The following TVP23C variants were observed in gnomAD, a reference collection of about 807,000 sequenced individuals.
TVP23C encodes trans-golgi network vesicle protein 23 homolog C.
A neutral mutation model predicts 28.7 loss-of-function variants in TVP23C; 19 were observed. The ratio of observed to expected loss-of-function variants is 0.66; its 90% CI spans 0.46 to 0.97. The LOEUF (loss-of-function observed/expected upper bound fraction) is 0.97. Among genes scored for constraint, TVP23C ranks in the 50% least tolerant of loss-of-function variants. TVP23C has a pLI of 0.00. For missense variants in TVP23C, 186 were observed against 241.3 expected (o/e 0.77, Z 1.52); for synonymous variants, 68 against 81.7 (o/e 0.83, Z 0.90).
intron 5 of TVP23C, among the ~76,000 whole-genome samples, chr17:15,515,997 C>T (rs1982210185): frequency 6.6e-6 from 1 of 152,328 alleles, no homozygotes. Context: ...CACCCACTCT[C>T]TCTGTCCTTC....
intron 3 of TVP23C, among the ~76,000 whole-genome samples, chr17:15,547,639 A>T (rs1455486090): frequency 6.6e-6 from 1 of 152,196 alleles, no homozygotes; most frequent in Non-Finnish European, 1.5e-5. Context: ...TTACTCAACA[A>T]ATATTTACTG....
At position 15,514,645 on chromosome 17, in the gene TVP23C, G is replaced by C. The variant is rs543386707; in HGVS notation, c.463-11413C>G. On this transcript the variant is annotated intron_variant, in intron 5 of 5. Coordinates refer to the TVP23C transcript ENST00000225576. ...CAGAGTATAATGTAGGCAATTTATG[G>C]CAAAACTGGTAAAACGGAGAGAGTT... Among the ~76,000 whole-genome samples the C allele has an allele frequency of 2.0e-5, 3 of 152,282 alleles. No homozygotes were observed. In the South Asian group the frequency reaches 6.2e-4, roughly 32 times the overall value.
In TVP23C at chr17:15,537,675, A is replaced by T. The variant is rs1330324696; in HGVS notation, c.*2737T>A. On this transcript the variant is annotated 3_prime_UTR_variant, in exon 6 of 6. Coordinates refer to ENST00000518321, the MANE Select transcript of TVP23C (RefSeq NM_001135036.2). ...AACTTATACATAAGCCAAAGTGCTC[A>T]CTCTTACCATAGAAGCAAAACTTTC... 1 of 985,214 alleles carries T rather than the reference A, an allele frequency of 1.0e-6. No homozygotes were observed. The highest frequency in any genetic ancestry group is 1.7e-5 in the African/African-American group (1 of 57,262). The allele number at this position is 985,214 out of a possible 1,614,324, so 61.0% of individuals were successfully genotyped here.
intron 5 of TVP23C, among the ~76,000 whole-genome samples, chr17:15,521,582 G>A (rs1982481578): frequency 6.6e-6 from 1 of 152,210 alleles, no homozygotes; most frequent in African/African-American, 2.4e-5. Flanking sequence ...ATAGAGAAAT[G>A]TAACTGAAAA....
chr17:15,506,976 T>C (rs528396086), intron 5 of TVP23C: 2 of 1,268,334 alleles, frequency 1.6e-6, no homozygotes, highest in South Asian at 2.4e-5. Context: ...AAAACTTTCA[T>C]GCTCTAAGCA....
At chr17:15,519,070 A>G (rs34063156) in intron 5 of TVP23C, among the ~76,000 whole-genome samples, 7,804 of 152,208 alleles carry the variant, frequency 0.051, 278 homozygotes, top group South Asian at 0.074. Flanking sequence ...CACCATGACT[A>G]TAAGTTTCCT....
rs142350554 is a variant in TVP23C at position 15,558,609 on chromosome 17, C to T, written c.13-3245G>A. On this transcript the variant is annotated intron_variant, in intron 1 of 5. Coordinates refer to ENST00000518321, the MANE Select transcript of TVP23C (RefSeq NM_001135036.2). ...CAGTGAGAGAAGGTGATGAAACAAG[C>T]AAAGTAGAGGTGAGAGACAGAGATT... Among the ~76,000 whole-genome samples the T allele has an allele frequency of 1.5e-3, 217 of 148,148 alleles. 3 individuals are homozygous for T. The highest frequency in any genetic ancestry group is 4.9e-3 in the African/African-American group (202 of 40,872).
chr17:15,517,604 A>C (rs976521196), intron 5 of TVP23C, among the ~76,000 whole-genome samples: 23 of 152,196 alleles, frequency 1.5e-4, no homozygotes, highest in African/African-American at 5.5e-4. Context: ...CATGGTGCAC[A>C]GTCGACCTAT....
chr17:15,509,094 A>G (rs542727078), intron 5 of TVP23C, among the ~76,000 whole-genome samples: 1 of 152,342 alleles, frequency 6.6e-6, no homozygotes, highest in African/African-American at 2.4e-5. Flanking sequence ...GGAAGGGCAC[A>G]ATTTTAAAGA....
At position 15,538,105 on chromosome 17, in the gene TVP23C, A is replaced by G; in HGVS notation, c.*2307T>C. On this transcript the variant is annotated 3_prime_UTR_variant, in exon 6 of 6. Coordinates refer to ENST00000518321, the MANE Select transcript of TVP23C (RefSeq NM_001135036.2). ...CTCTTCAGTTGTTCCCCAATGTAACAAAGCACATAAGCTTTCTCTATTCAG... is the reference window on the plus strand; with the variant it reads ...CTCTTCAGTTGTTCCCCAATGTAACGAAGCACATAAGCTTTCTCTATTCAG... 1.9e-6 allele frequency: 3 copies of G among 1,613,346 alleles called. No homozygotes were observed. The highest frequency in any genetic ancestry group is 2.5e-6 in the Non-Finnish European group (3 of 1,179,730).
intron 1 of TVP23C, among the ~76,000 whole-genome samples, chr17:15,557,093 C>T (rs1292247324): frequency 6.7e-6 from 1 of 149,272 alleles, no homozygotes; most frequent in Non-Finnish European, 1.5e-5. Flanking sequence ...GCCCTGCTCA[C>T]CACCAAATAC....
At chr17:15,513,549 T>C (rs1004551732) in intron 5 of TVP23C, among the ~76,000 whole-genome samples, 1 of 152,234 alleles carries the variant, frequency 6.6e-6, no homozygotes, top group Non-Finnish European at 1.5e-5. Flanking sequence ...TTTATAACTT[T>C]AAATCTCTCA....
intron 3 of TVP23C, among the ~76,000 whole-genome samples, chr17:15,548,355 G>A (rs1401852814): frequency 6.6e-6 from 1 of 152,104 alleles, no homozygotes; most frequent in Non-Finnish European, 1.5e-5. Context: ...TAGTAGAGAT[G>A]GGGTTTCTCC....
rs981201236 is a variant in TVP23C at position 15,539,123 on chromosome 17, A to C, written c.*1289T>G. ...ACCAGTGCCCTCAGTACCACCCAGA[A>C]ACTTGGGAGAAATGCAAATTATGAG... On this transcript the variant is annotated 3_prime_UTR_variant, in exon 6 of 6. Coordinates refer to ENST00000518321, the MANE Select transcript of TVP23C (RefSeq NM_001135036.2). 7.2e-6 allele frequency: 7 copies of C among 965,770 alleles called. No individual in the cohort carries two copies. The African/African-American group carries it at 1.2e-4, about 17-fold the overall frequency. 59.8% of individuals were successfully genotyped at this position (965,770 alleles called of 1,614,324 possible).
Position 15,540,487 on chromosome 17 carries a change from T to C in TVP23C, c.537A>G (p.Arg179=). The C allele has an allele frequency of 6.2e-7, 1 of 1,609,686 alleles. No individual in the cohort carries two copies. Among genetic ancestry groups the C allele is most frequent in the Admixed American group, 1.7e-5 (1 of 58,450 alleles). Residue 179 remains arginine, a synonymous_variant, in exon 6 of 6, where the codon AGA becomes AGG. Coordinates refer to ENST00000518321, the MANE Select transcript of TVP23C (RefSeq NM_001135036.2). ...AAGTAGCCATGCTGGTTAAATGCTTTCTGCTGCGCACCTTACACCTGATGT... is the reference window on the plus strand; with the variant it reads ...AAGTAGCCATGCTGGTTAAATGCTTCCTGCTGCGCACCTTACACCTGATGT... ...YGYIRCKVRS[R]KHLTSMATSY...
intron 5 of TVP23C, among the ~76,000 whole-genome samples, chr17:15,511,670 C>G (rs576144365): frequency 6.6e-6 from 1 of 152,122 alleles, no homozygotes; most frequent in Non-Finnish European, 1.5e-5. Flanking sequence ...TTCCTTCAAT[C>G]AGAATGTCCC....
At chr17:15,546,180 TATTCA>T in intron 4 of TVP23C, among the ~76,000 whole-genome samples, 1 of 152,212 alleles carries the variant, frequency 6.6e-6, no homozygotes, top group South Asian at 2.1e-4. Flanking sequence ...GATAGGCTTC[TATTCA>T]ATTCTTCTTG....
intron 1 of TVP23C, among the ~76,000 whole-genome samples, chr17:15,555,962 G>A (rs9893319): frequency 0.012 from 1,885 of 152,302 alleles, 51 homozygotes; most frequent in African/African-American, 0.044. Context: ...CATCACCCAG[G>A]CTGGAGTACA....
intron 5 of TVP23C, chr17:15,507,007 T>G: frequency 7.7e-7 from 1 of 1,303,706 alleles, no homozygotes; most frequent in Non-Finnish European, 1.1e-6. Flanking sequence ...AGGATTTGGT[T>G]ATAAGGGTTC....
Sources: gnomAD v4.1 joint callset for allele counts (sites outside exome capture counted in the v4.1 genomes callset) on GRCh38, gnomAD v4.1.1 for gene constraint, MANE v1.5 for transcripts, NCBI Gene and HGNC (gene_info 2026-07-23, HGNC 2026-07-21) for gene names.